The following ATP13A2 variants were observed in gnomAD, a reference collection of about 807,000 sequenced individuals.
The protein encoded by ATP13A2 is ATPase cation transporting 13A2.
ATP13A2 carries 83 observed loss-of-function variants against 138.3 expected under a neutral mutation model. The ratio of observed to expected loss-of-function variants is 0.60; its 90% confidence interval spans 0.50 to 0.72. ATP13A2 has a LOEUF of 0.72. ATP13A2 is among the 30% of genes least tolerant of loss of function. ATP13A2 has a pLI of 0.00. For synonymous variants in ATP13A2, 663 were observed against 699.0 expected, an observed-to-expected ratio of 0.95 and a Z score of 0.81; for missense variants, 1,402 against 1,606.4, an observed-to-expected ratio of 0.87 and a Z score of 2.17.
Position 16,990,483 on chromosome 1 carries a change from A to G in ATP13A2, c.2252-196T>C, listed in dbSNP as rs530655624. On this transcript the variant is annotated intron_variant, in intron 20 of 28. Coordinates refer to ENST00000326735, the MANE Select transcript of ATP13A2 (RefSeq NM_022089.4). ...CCAGGCATTGAAGGGTCTTAGGAGA[A>G]CCTGGAGCCGTGGGCTGGAGCTCCA... 2.6e-5 allele frequency among the ~76,000 whole-genome samples: 4 copies of G among 152,234 alleles called. No homozygotes were observed. The South Asian group carries it at 8.3e-4, about 32-fold the overall frequency.
intron 1 of ATP13A2, among the ~76,000 whole-genome samples, chr1:17,010,508 T>G (rs1413568510): frequency 6.6e-6 from 1 of 152,110 alleles, no homozygotes; most frequent in Admixed American, 6.5e-5. Flanking sequence ...TTATCCCCAT[T>G]GTACACCTGG....
At position 16,996,120 on chromosome 1, in the gene ATP13A2, G is replaced by A. The variant is rs768482207; in HGVS notation, c.1398C>T (p.Thr466=). The A allele has an allele frequency of 2.7e-5, 43 of 1,613,970 alleles. No individual in the cohort carries two copies. Among genetic ancestry groups the A allele is most frequent in the Non-Finnish European group, 3.5e-5 (41 of 1,180,046 alleles). ...CAGGCAGGGCAGGTGGCACCACCAC[G>A]GTCACCAGGTCGAGAGCCCGGATTA... ...EIVIRALDLV[T]VVVPPALPAA... The change falls in exon 15 of 29, where the codon ACC becomes ACT. Residue 466 remains threonine (T), a synonymous_variant. Coordinates refer to ENST00000326735, the MANE Select transcript of ATP13A2 (RefSeq NM_022089.4).
In ATP13A2 at chr1:16,996,427, T is replaced by C. The variant is rs374714294; in HGVS notation, c.1265A>G (p.Tyr422Cys). 6.2e-7 allele frequency: 1 copy of C among 1,614,014 alleles called. No homozygotes were observed. Among genetic ancestry groups the C allele is most frequent in the African/African-American group, 1.3e-5 (1 of 74,916 alleles). ...LHPRPINFKF[Y>C]KHSMKFVAAL... Reference sequence around the variant, plus strand: ...AGCCACAAACTTCATGCTGTGTTTATAGAACTTGAAGTTGATGGGCCGGGG... The same window carrying C: ...AGCCACAAACTTCATGCTGTGTTTACAGAACTTGAAGTTGATGGGCCGGGG... The change falls in exon 13 of 29, where the codon TAT (tyrosine) becomes TGT (cysteine). Residue 422 changes from tyrosine (Y) to cysteine (C), a missense_variant. Tyr to Cys is a radical substitution (Grantham distance 194). Coordinates refer to ENST00000326735, the MANE Select transcript of ATP13A2 (RefSeq NM_022089.4).
Position 17,005,446 on chromosome 1 carries a change from C to G in ATP13A2, c.216G>C (p.Gly72=). Residue 72 remains glycine (G), a synonymous_variant, in exon 3 of 29, where the codon GGG becomes GGC. Transcript: ENST00000326735. The part of the protein sequence containing the change: ...LLLFRWKPLW[G]VRLRLRPCNL... Reference sequence around the variant, plus strand: ...TGCAGGGCCGGAGCCGCAGCCGCACCCCCCACAGGGGCTTCCAACGGAAGA... The same window carrying G: ...TGCAGGGCCGGAGCCGCAGCCGCACGCCCCACAGGGGCTTCCAACGGAAGA... The G allele has an allele frequency of 6.2e-7, 1 of 1,614,124 alleles. No individual in the cohort carries two copies. The highest frequency in any genetic ancestry group is 8.5e-7 in the Non-Finnish European group (1 of 1,180,010).
rs370384911 is a variant in ATP13A2 at position 16,988,118 on chromosome 1, G to A, written c.2859+20C>T. Reference sequence around the variant, plus strand: ...CTAGTCCTGGGACGGCTCTGGGTACGGAGCTCTGCAGATACTCACCGTGTA... The same window carrying A: ...CTAGTCCTGGGACGGCTCTGGGTACAGAGCTCTGCAGATACTCACCGTGTA... On this transcript the variant is annotated intron_variant, in intron 25 of 28. Transcript: ENST00000326735. 1.8e-5 allele frequency: 29 copies of A among 1,607,678 alleles called. No individual in the cohort carries two copies. Among genetic ancestry groups the A allele is most frequent in the African/African-American group, 6.7e-5 (5 of 74,796 alleles).
Position 17,000,939 on chromosome 1 carries a change from C to T in ATP13A2, c.706-405G>A, listed in dbSNP as rs185832604. On this transcript the variant is annotated intron_variant, in intron 8 of 28. Coordinates refer to ENST00000326735, the MANE Select transcript of ATP13A2 (RefSeq NM_022089.4). ...CCTGAGTGACAGAGGGAGACCCTGT[C>T]TCAAAAAAAATAAACAAATAAATAA... 8.3e-5 allele frequency: 16 copies of T among 191,924 alleles called. No homozygotes were observed. The East Asian group carries it at 1.8e-3, about 22-fold the overall frequency. 11.9% of individuals were successfully genotyped at this position (191,924 alleles called of 1,614,324 possible).
chr1:16,986,402 TG>T lies in ATP13A2; in HGVS notation c.3406-45del. 1 of 1,600,030 alleles carries T rather than the reference TG, an allele frequency of 6.2e-7. No individual in the cohort carries two copies. On this transcript the variant is annotated intron_variant, in intron 28 of 28. Coordinates refer to ENST00000326735, the MANE Select transcript of ATP13A2 (RefSeq NM_022089.4). This position sits in a 1 kb window ranked among gnomAD's most constrained non-coding sequence, Gnocchi z 6.9. Reference sequence around the variant, plus strand: ...GTGTCAGGGGCAGCCGGGGCTGAGCTGGGGTCAATGCACCCCCACCTCCCTT... The same window carrying T: ...GTGTCAGGGGCAGCCGGGGCTGAGCTGGGTCAATGCACCCCCACCTCCCTT...
Position 16,986,526 on chromosome 1 carries a change from G to A in ATP13A2, c.3342C>T (p.Thr1114=), listed in dbSNP as rs115985012. 3.4e-3 allele frequency: 5,461 copies of A among 1,612,672 alleles called. 20 individuals carry two copies. The highest frequency in any genetic ancestry group is 4.2e-3 in the Non-Finnish European group (4,988 of 1,179,882). The change falls in exon 28 of 29, where the codon ACC becomes ACT. Residue 1114 remains threonine, a synonymous_variant. Coordinates refer to ENST00000326735, the MANE Select transcript of ATP13A2 (RefSeq NM_022089.4). This position sits in a 1 kb window ranked among gnomAD's most constrained non-coding sequence, Gnocchi z 6.9. ...GPLALRNITD[T]GFKLLLLGLV... ...GACCCAGCAGCAGCAGCTTGAAGCC[G>A]GTGTCAGTGATGTTCCTCAGCGCCA...
At position 16,997,423 on chromosome 1, in the gene ATP13A2, GT is replaced by G. The variant is rs1229749089; in HGVS notation, c.1040-249del. Among the ~76,000 whole-genome samples the G allele has an allele frequency of 1.8e-4, 24 of 131,042 alleles. 3 individuals carry two copies. The highest frequency in any genetic ancestry group is 3.9e-3 in the Middle Eastern group (1 of 256). The allele number at this position is 131,042 out of a possible 152,430, so 86.0% of individuals were successfully genotyped here. A position where few individuals can be genotyped will look rare whatever the true frequency, so the allele number is the denominator to read the frequency against. ...AGCTCCCTGGAACCAGCGGGGGGGG[GT>G]GGGTCAGACAGAGCATGTGTGGGCA... On this transcript the variant is annotated intron_variant, in intron 11 of 28. Transcript: ENST00000326735.
chr1:16,989,956 G>A lies in ATP13A2; in HGVS notation c.2460C>T (p.Ser820=). The change falls in exon 22 of 29, where the codon TCC becomes TCT. Residue 820 remains serine (S), a synonymous_variant. Transcript: ENST00000326735. The part of the protein sequence containing the change: ...ASYTVEPDPR[S]RHLALSGPTF... ...TGGGCCCGCTGAGGGCCAGGTGCCT[G>A]GATCGGGGGTCTGGCTCCACGGTGT... The A allele has an allele frequency of 1.2e-6, 2 of 1,606,394 alleles. No individual in the cohort carries two copies. The highest frequency in any genetic ancestry group is 1.7e-6 in the Non-Finnish European group (2 of 1,176,370).
chr1:17,005,378 TTGTCTCTTATTTCGATAACGAG>T lies in ATP13A2; in HGVS notation c.262_283del (p.Leu88LysfsTer61). 1 of 1,598,896 alleles carries T rather than the reference TTGTCTCTTATTTCGATAACGAG, an allele frequency of 6.3e-7. No individual in the cohort carries two copies. The highest frequency in any genetic ancestry group is 8.5e-7 in the Non-Finnish European group (1 of 1,172,472). ...CAGGCTCAGCCTGACTCTCACCTCT[TTGTCTCTTATTTCGATAACGAG>T]TGTTTCGGCGTGGGCCAGGTTGCAG... is the stretch of plus-strand genomic sequence containing the variant. On this transcript the variant is annotated frameshift_variant, in exon 3 of 29. Transcript: ENST00000326735. LOFTEE classifies it high-confidence loss of function.
Position 16,989,735 on chromosome 1 carries a change from G to A in ATP13A2, c.2565C>T (p.Ala855=). The A allele has an allele frequency of 2.5e-6, 4 of 1,614,096 alleles. No homozygotes were observed. Among genetic ancestry groups the A allele is most frequent in the Non-Finnish European group, 3.4e-6 (4 of 1,180,034 alleles). The change falls in exon 23 of 29, where the codon GCC becomes GCT. Residue 855 remains alanine (A), a synonymous_variant. Coordinates refer to ENST00000326735, the MANE Select transcript of ATP13A2 (RefSeq NM_022089.4). ...ACACCAGCTCTGTCTTCTGCTCAGG[G>A]GCCATGCGGGCAAAGACAGTGCCCT... ...LVQGTVFARM[A]PEQKTELVCE... is the part of the protein sequence containing the mutation.
rs142622762 is a variant in ATP13A2 at position 17,004,912 on chromosome 1, G to T, written c.348-91C>A. The T allele has an allele frequency of 7.0e-4, 1,127 of 1,612,586 alleles. 11 individuals carry two copies. In the African/African-American group the frequency reaches 0.013, roughly 19 times the overall value. ...AGAGCCATCTTCCCTCCCTAGGATG[G>T]GAGGCGCCAGAGTCAGCCTTTATGG... On this transcript the variant is annotated intron_variant, in intron 4 of 28. Coordinates refer to ENST00000326735, the MANE Select transcript of ATP13A2 (RefSeq NM_022089.4). The surrounding 1 kb of genome is among the most constrained non-coding windows in gnomAD (Gnocchi z 4.1).
rs1195711508 is a variant in ATP13A2, at chr1:17,000,545, G to A, written c.706-11C>T. 7 of 1,611,766 alleles carry A rather than the reference G, an allele frequency of 4.3e-6. No homozygotes were observed. In the South Asian group the frequency reaches 7.7e-5, roughly 18 times the overall value. ...GTAGGGGTTCAGTGCCTGGGGGAGG[G>A]GCGGGAGGCAGCGTCAGGGCCGCGT... is the stretch of plus-strand genomic sequence containing the variant. On this transcript the variant is annotated splice_polypyrimidine_tract_variant and intron_variant, in intron 8 of 28. Transcript: ENST00000326735.
intron 13 of ATP13A2, 27 bp downstream of exon 13, chr1:16,996,359 C>T: frequency 6.2e-7 from 1 of 1,613,632 alleles, no homozygotes; most frequent in Non-Finnish European, 8.5e-7. Flanking sequence ...GGGCTATGGG[C>T]AGAGGAGGGT....
chr1:16,986,207 C>T lies in ATP13A2; in HGVS notation c.*14G>A, dbSNP rs1247201194. On this transcript the variant is annotated 3_prime_UTR_variant, in exon 29 of 29. Transcript: ENST00000326735. This position sits in a 1 kb window ranked among gnomAD's most constrained non-coding sequence, Gnocchi z 6.9. ...GCAGGGAGTTCCAGTGTCTGGGGTG[C>T]CCGTGGGCCTGCACTACCTCAGGGG... is the stretch of plus-strand genomic sequence containing the variant. The T allele has an allele frequency of 6.2e-7, 1 of 1,612,364 alleles. No homozygotes were observed. The highest frequency in any genetic ancestry group is 2.2e-5 in the East Asian group (1 of 44,784).
Position 16,989,057 on chromosome 1 carries a change from T to C in ATP13A2, c.2610-583A>G, listed in dbSNP as rs115681032. 9.6e-3 allele frequency among the ~76,000 whole-genome samples: 1,444 copies of C among 149,660 alleles called. 28 individuals carry two copies. The highest frequency in any genetic ancestry group is 0.034 in the African/African-American group (1,382 of 40,424). On this transcript the variant is annotated intron_variant, in intron 23 of 28. Coordinates refer to ENST00000326735, the MANE Select transcript of ATP13A2 (RefSeq NM_022089.4). ...CAGCCTCTTGAGTAGCTGGGATTAC[T>C]GGTGTGCGCCACCATGCCCAACTAA...
chr1:16,988,299 C>G (rs745504274), intron 24 of ATP13A2, 23 bp downstream of exon 24: 1 of 1,614,074 alleles, frequency 6.2e-7, no homozygotes, highest in African/African-American at 1.3e-5. Context: ...GAGCCCTCAC[C>G]CACCGGTCCC....
intron 1 of ATP13A2, among the ~76,000 whole-genome samples, chr1:17,010,260 T>C (rs1570922845): frequency 6.6e-6 from 1 of 152,310 alleles, no homozygotes; most frequent in Admixed American, 6.5e-5. Flanking sequence ...GTATTTTTAG[T>C]AGAGACGGGG....
Sources: gnomAD v4.1 joint callset for allele counts (sites outside exome capture counted in the v4.1 genomes callset) on GRCh38, gnomAD v4.1.1 for gene constraint, Gnocchi (gnomAD v3.1) non-coding constraint, MANE v1.5 for transcripts, NCBI Gene and HGNC (gene_info 2026-07-23, HGNC 2026-07-21) for gene names.